Variants in CHL1 observed in about 807,000 individuals in gnomAD.
CHL1 encodes the protein cell adhesion molecule L1 like.
CHL1 carries 96 observed loss-of-function variants against 141.9 expected under a neutral mutation model. The observed-to-expected ratio is 0.68, with a 90% CI of 0.57 to 0.80. The LOEUF is 0.80. Among genes scored for constraint, CHL1 ranks in the 30% least tolerant of loss-of-function variants. CHL1 has a pLI of 0.00. For synonymous variants in CHL1, 613 were observed against 502.2 expected (o/e 1.22, Z -2.95); for missense variants, 1,820 against 1,457.2 (o/e 1.25, Z -4.05).
intron 5 of CHL1, among the ~76,000 whole-genome samples, chr3:334,039 C>T (rs1025701759): frequency 6.6e-6 from 1 of 152,164 alleles, no homozygotes; most frequent in Non-Finnish European, 1.5e-5. Flanking sequence ...TCACTGCAGC[C>T]TCATCCTCCT....
chr3:382,847 C>A, intron 18 of CHL1, 176 bp downstream of exon 18: 2 of 596,874 alleles, frequency 3.4e-6, no homozygotes, highest in Non-Finnish European at 5.8e-6. Flanking sequence ...AGAAGTGTTA[C>A]ATACGAGTTC....
intron 3 of CHL1, among the ~76,000 whole-genome samples, chr3:321,403 C>G (rs1200431443): frequency 1.3e-5 from 2 of 152,016 alleles, no homozygotes; most frequent in African/African-American, 4.8e-5. Flanking sequence ...TGTAGAAATT[C>G]TGGTCGGGAG....
chr3:305,291 A>G (rs1180311705), intron 2 of CHL1, among the ~76,000 whole-genome samples: 2 of 152,166 alleles, frequency 1.3e-5, no homozygotes, highest in Non-Finnish European at 2.9e-5. Flanking sequence ...GTATATTTCA[A>G]TGACGACAGT....
chr3:331,070 A>T (rs1701397838), intron 5 of CHL1, among the ~76,000 whole-genome samples: 1 of 152,192 alleles, frequency 6.6e-6, no homozygotes, highest in Non-Finnish European at 1.5e-5. Flanking sequence ...TATAAAAATC[A>T]TCTCAGAGTG....
chr3:233,671 C>G (rs941971019), intron 1 of CHL1, among the ~76,000 whole-genome samples: 5 of 152,214 alleles, frequency 3.3e-5, no homozygotes, highest in Admixed American at 3.3e-4. Context: ...ATTAAGCTCA[C>G]ATTCTATAAA....
At chr3:294,785 C>T (rs749116727) in intron 2 of CHL1, among the ~76,000 whole-genome samples, 39 of 152,250 alleles carry the variant, frequency 2.6e-4, no homozygotes, top group Non-Finnish European at 4.7e-4. Context: ...TTCAAAACTG[C>T]GGTCGACCAC....
At chr3:395,656 G>A (rs12491604) in intron 24 of CHL1, among the ~76,000 whole-genome samples, 18,345 of 152,230 alleles carry the variant, frequency 0.12, 1,651 homozygotes, top group East Asian at 0.45. Flanking sequence ...GTAGAAGATG[G>A]CAGAAAGGGA....
At chr3:347,849 G>C (rs1702895846) in intron 9 of CHL1, among the ~76,000 whole-genome samples, 1 of 152,136 alleles carries the variant, frequency 6.6e-6, no homozygotes, top group Non-Finnish European at 1.5e-5. Context: ...TGTGCTCTTA[G>C]CCTGGTAAAA....
intron 5 of CHL1, among the ~76,000 whole-genome samples, chr3:329,423 T>C (rs1701270044): frequency 6.6e-6 from 1 of 152,026 alleles, no homozygotes; most frequent in African/African-American, 2.4e-5. Context: ...ATTTAAATTG[T>C]CCTAAAGTCC....
intron 11 of CHL1, among the ~76,000 whole-genome samples, chr3:359,126 G>A (rs1050039406): frequency 1.3e-5 from 2 of 151,356 alleles, no homozygotes; most frequent in Non-Finnish European, 2.9e-5. Flanking sequence ...GCCAAATGTT[G>A]TGGGATGTGT....
intron 2 of CHL1, among the ~76,000 whole-genome samples, chr3:290,015 C>T (rs1307011067): frequency 6.8e-6 from 1 of 148,096 alleles, no homozygotes; most frequent in African/African-American, 2.5e-5. Flanking sequence ...TACTCATAGC[C>T]AATAGCACCG....
At chr3:225,578 A>T (rs1354505318) in intron 1 of CHL1, among the ~76,000 whole-genome samples, 1 of 115,198 alleles carries the variant, frequency 8.7e-6, no homozygotes, top group Non-Finnish European at 1.8e-5. Flanking sequence ...CAAAAGTGAA[A>T]GCTGGCTCAA....
At chr3:388,468 A>G (rs1337501023) in intron 19 of CHL1, among the ~76,000 whole-genome samples, 1 of 150,866 alleles carries the variant, frequency 6.6e-6, no homozygotes, top group African/African-American at 2.5e-5. Context: ...AATCGCTTGC[A>G]CCCGGGAGAT....
rs994553081 is a variant in CHL1 at position 372,949 on chromosome 3, C to A, written c.1752-4869C>A. On this transcript the variant is annotated intron_variant, in intron 15 of 27. Coordinates refer to ENST00000256509, the MANE Select transcript of CHL1 (RefSeq NM_006614.4). ...TGCCTGGAGATGTCACTCAAGGAGG[C>A]TGGAGAACAGCCAAGATGGGTGCCT... is the stretch of plus-strand genomic sequence containing the variant. 2.0e-5 allele frequency among the ~76,000 whole-genome samples: 3 copies of A among 152,106 alleles called. No individual in the cohort carries two copies. In the South Asian group the frequency reaches 6.2e-4, roughly 31 times the overall value.
intron 2 of CHL1, among the ~76,000 whole-genome samples, chr3:307,098 T>C (rs548019817): frequency 1.1e-4 from 17 of 152,306 alleles, no homozygotes; most frequent in African/African-American, 3.6e-4. Context: ...CATATTTGCA[T>C]CCTGACCTAA....
chr3:388,448 G>C (rs1475525547), intron 19 of CHL1, among the ~76,000 whole-genome samples: 2 of 151,802 alleles, frequency 1.3e-5, no homozygotes, highest in African/African-American at 4.9e-5. Flanking sequence ...TCAGGAGGCT[G>C]AGGAAAGAGA....
intron 10 of CHL1, among the ~76,000 whole-genome samples, chr3:353,580 C>A (rs937739833): frequency 1.3e-5 from 2 of 152,202 alleles, no homozygotes; most frequent in Non-Finnish European, 2.9e-5. Flanking sequence ...TGGACTTGAA[C>A]TTGAACTTGC....
intron 2 of CHL1, among the ~76,000 whole-genome samples, chr3:315,524 A>G (rs1188670030): frequency 6.6e-6 from 1 of 152,158 alleles, no homozygotes; most frequent in Admixed American, 6.6e-5. Flanking sequence ...CACTTTTAAA[A>G]ACATCAAGGG....
chr3:375,125 A>AG (rs1706153447), intron 15 of CHL1, among the ~76,000 whole-genome samples: 1 of 152,042 alleles, frequency 6.6e-6, no homozygotes, highest in Non-Finnish European at 1.5e-5. Context: ...ATGCCCCCCC[A>AG]GGAATTTTCT....
Sources: allele counts gnomAD v4.1 joint callset (sites outside exome capture counted in the v4.1 genomes callset), GRCh38; gene constraint gnomAD v4.1.1; transcripts MANE v1.5; gene names NCBI Gene and HGNC (gene_info 2026-07-23, HGNC 2026-07-21).